TTLL10: variants seen among roughly 807,000 people sequenced by gnomAD.
The protein encoded by TTLL10 is tubulin tyrosine ligase like 10.
TTLL10 carries 61 observed loss-of-function variants against 69.0 expected under a neutral mutation model. That is an observed-to-expected ratio of 0.88 (90% confidence interval 0.72 to 1.09). TTLL10 has a LOEUF of 1.09. Among genes scored for constraint, TTLL10 ranks in the 50% least tolerant of loss-of-function variants. TTLL10 has a pLI of 0.00. For synonymous variants in TTLL10, 408 were observed against 393.3 expected (o/e 1.04, Z -0.44); for missense variants, 962 against 945.9 (o/e 1.02, Z -0.22).
At chr1:1,179,403 T>A (rs894844270) in intron 4 of TTLL10, 70 bp downstream of exon 4, 29 of 1,430,574 alleles carry the variant, frequency 2.0e-5, no homozygotes, top group African/African-American at 2.8e-5. Context: ...GGGTGCCCCA[T>A]ACCCAAGGAA....
rs547517872 is a variant in TTLL10, at chr1:1,181,259, C to T, written c.755+399C>T. On this transcript the variant is annotated intron_variant, in intron 8 of 15. Transcript: ENST00000379289. This position sits in a 1 kb window ranked among gnomAD's most constrained non-coding sequence, Gnocchi z 4.6. ...CAGGTACAACCCACCTGTCAATCTGCCTTCACCCCAAACATCCATCCAATC... is the reference window on the plus strand; with the variant it reads ...CAGGTACAACCCACCTGTCAATCTGTCTTCACCCCAAACATCCATCCAATC... Among the ~76,000 whole-genome samples, 8 of 152,048 alleles carry T rather than the reference C, an allele frequency of 5.3e-5. No homozygotes were observed. Among genetic ancestry groups the T allele is most frequent in the African/African-American group, 1.9e-4 (8 of 41,454 alleles).
intron 15 of TTLL10, 116 bp downstream of exon 15, chr1:1,197,302 C>A: frequency 7.5e-7 from 1 of 1,330,946 alleles, no homozygotes; most frequent in Non-Finnish European, 1.0e-6. Flanking sequence ...TCCCGAGGGC[C>A]TGTGTGGCAG....
intron 3 of TTLL10, among the ~76,000 whole-genome samples, chr1:1,177,400 C>A (rs1031662648): frequency 6.6e-6 from 1 of 152,208 alleles, no homozygotes; most frequent in Non-Finnish European, 1.5e-5. Flanking sequence ...CAAGCTCCAC[C>A]TCCCAGGTTC....
chr1:1,175,006 C>T (rs2100834887), intron 3 of TTLL10: 1 of 152,914 alleles, frequency 6.5e-6, no homozygotes, highest in Non-Finnish European at 1.5e-5. Context: ...ATCCCAGCTA[C>T]TCAGGAGGCT....
chr1:1,185,253 C>T lies in TTLL10; in HGVS notation c.1401+144C>T. The T allele has an allele frequency of 6.9e-7, 1 of 1,441,658 alleles. No individual in the cohort carries two copies. The highest frequency in any genetic ancestry group is 2.6e-5 in the East Asian group (1 of 38,954). 89.3% of individuals were successfully genotyped at this position (1,441,658 alleles called of 1,614,324 possible). A position where few individuals can be genotyped will look rare whatever the true frequency, so the allele number is the denominator to read the frequency against. On this transcript the variant is annotated intron_variant, in intron 13 of 15. Transcript: ENST00000379289. This position sits in a 1 kb window ranked among gnomAD's most constrained non-coding sequence, Gnocchi z 6.1. ...TGACCTGACCGTGTGGAACCAAACC[C>T]TTCCAGCGTCTCTGCTCACTTAGCT...
At position 1,180,720 on chromosome 1, in the gene TTLL10, C is replaced by A. The variant is rs767592834; in HGVS notation, c.626-11C>A. The stretch of plus-strand genomic sequence containing the variant: ...GCTCCCTCCACACGAGCCCTGGCCT[C>A]TGACCTCCAGGAGAGCAGCTGCTGT... On this transcript the variant is annotated splice_polypyrimidine_tract_variant and intron_variant, in intron 7 of 15. Transcript: ENST00000379289. 2 of 1,601,714 alleles carry A rather than the reference C, an allele frequency of 1.2e-6. No homozygotes were observed. The highest frequency in any genetic ancestry group is 2.3e-5 in the East Asian group (1 of 43,832).
chr1:1,185,240 G>A lies in TTLL10; in HGVS notation c.1401+131G>A, dbSNP rs1044552223. 6.8e-7 allele frequency: 1 copy of A among 1,477,478 alleles called. No homozygotes were observed. The highest frequency in any genetic ancestry group is 2.4e-5 in the East Asian group (1 of 40,918). The allele number at this position is 1,477,478 out of a possible 1,614,324, so 91.5% of individuals were successfully genotyped here. A position where few individuals can be genotyped will look rare whatever the true frequency, so the allele number is the denominator to read the frequency against. ...CTGCGCTGAAGTGTGACCTGACCGT[G>A]TGGAACCAAACCCTTCCAGCGTCTC... On this transcript the variant is annotated intron_variant, in intron 13 of 15. Coordinates refer to ENST00000379289, the MANE Select transcript of TTLL10 (RefSeq NM_001130045.2). This position sits in a 1 kb window ranked among gnomAD's most constrained non-coding sequence, Gnocchi z 6.1.
chr1:1,188,300 T>C (rs1007384394), intron 13 of TTLL10, among the ~76,000 whole-genome samples: 3 of 150,892 alleles, frequency 2.0e-5, no homozygotes, highest in Non-Finnish European at 4.4e-5. Context: ...TCAATATTGT[T>C]CTTTTTCAAG....
chr1:1,196,585 C>T lies in TTLL10; in HGVS notation c.1402-15C>T. 6.5e-7 allele frequency: 1 copy of T among 1,545,852 alleles called. No individual in the cohort carries two copies. ...CTACGGGCCGCAGCCAGGATGCCTC[C>T]CTGCCTCCCTGCAGAAGCGGATGCA... On this transcript the variant is annotated splice_polypyrimidine_tract_variant and intron_variant, in intron 13 of 15. Transcript: ENST00000379289.
At chr1:1,190,489 A>G (rs1381031559) in intron 13 of TTLL10, among the ~76,000 whole-genome samples, 1 of 150,248 alleles carries the variant, frequency 6.7e-6, no homozygotes, top group Non-Finnish European at 1.5e-5. Context: ...GTGCAGTGGC[A>G]CGATTTCAGC....
rs775190572 is a variant in TTLL10 at position 1,180,447 on chromosome 1, C to T, written c.507-36C>T. The T allele has an allele frequency of 3.1e-5, 47 of 1,505,144 alleles. No homozygotes were observed. In the Admixed American group the frequency reaches 8.3e-4, roughly 27 times the overall value. The allele number at this position is 1,505,144 out of a possible 1,614,324, so 93.2% of individuals were successfully genotyped here. Reference sequence around the variant, plus strand: ...GCCCGCCATCCCCAACCCCTTGCCTCGGCCCCCAGGTCACCCCCGCCCCCA... The same window carrying T: ...GCCCGCCATCCCCAACCCCTTGCCTTGGCCCCCAGGTCACCCCCGCCCCCA... On this transcript the variant is annotated intron_variant, in intron 6 of 15. Transcript: ENST00000379289.
At chr1:1,180,953 C>A (rs12745253) in intron 8 of TTLL10, 93 bp downstream of exon 8, 10 of 1,227,870 alleles carry the variant, frequency 8.1e-6, no homozygotes, top group Non-Finnish European at 1.1e-5. Context: ...CCTGCCCCTG[C>A]GCCCGCCCCT....
chr1:1,180,224 C>T lies in TTLL10; in HGVS notation c.390C>T (p.Ala130=), dbSNP rs115023808. ...CTGCAGACTCGGATGACACTAACGCCGCCGGGCCCTCAGCTGCCCTCCTGG... is the reference window on the plus strand; with the variant it reads ...CTGCAGACTCGGATGACACTAACGCTGCCGGGCCCTCAGCTGCCCTCCTGG... ...HRPADSDDTN[A]AGPSAALLEG... The change falls in exon 6 of 16, where the codon GCC becomes GCT. Residue 130 remains alanine (A), a synonymous_variant. Coordinates refer to ENST00000379289, the MANE Select transcript of TTLL10 (RefSeq NM_001130045.2). The T allele has an allele frequency of 5.0e-6, 8 of 1,609,366 alleles. No individual in the cohort carries two copies. The highest frequency in any genetic ancestry group is 3.3e-5 in the South Asian group (3 of 90,548).
At chr1:1,174,643 A>C (rs1185009285) in intron 3 of TTLL10, 154 bp downstream of exon 3, 1 of 152,130 alleles carries the variant, frequency 6.6e-6, no homozygotes, top group Non-Finnish European at 1.5e-5. Context: ...CACGTCAGTC[A>C]GCATCTCGGA....
At position 1,185,149 on chromosome 1, in the gene TTLL10, T is replaced by C; in HGVS notation, c.1401+40T>C. The stretch of plus-strand genomic sequence containing the variant: ...CCCTCCAGTCTGGGAGTGAGATCCC[T>C]CGGGGCGGGGGTGTGTGGTCAGGCT... On this transcript the variant is annotated intron_variant, in intron 13 of 15. Coordinates refer to ENST00000379289, the MANE Select transcript of TTLL10 (RefSeq NM_001130045.2). This position sits in a 1 kb window ranked among gnomAD's most constrained non-coding sequence, Gnocchi z 6.1. 2.5e-6 allele frequency: 4 copies of C among 1,601,986 alleles called. No individual in the cohort carries two copies. The South Asian group carries it at 4.4e-5, about 18-fold the overall frequency.
chr1:1,175,802 G>A (rs907248748), intron 3 of TTLL10: 6 of 400,854 alleles, frequency 1.5e-5, no homozygotes, highest in African/African-American at 1.1e-4. Context: ...CGCTGTGCAG[G>A]TGGAGAGAGG....
chr1:1,197,282 C>G (rs1648288421), intron 15 of TTLL10, 96 bp downstream of exon 15: 2 of 1,332,530 alleles, frequency 1.5e-6, no homozygotes, highest in Non-Finnish European at 2.1e-6. Context: ...ACAGATGGGG[C>G]TCTTCCACCT....
chr1:1,182,027 G>A (rs1647085656), intron 9 of TTLL10, among the ~76,000 whole-genome samples: 3 of 152,348 alleles, frequency 2.0e-5, no homozygotes, highest in South Asian at 4.1e-4. Flanking sequence ...CACGCTCTCC[G>A]CCCATCCCAG....
At chr1:1,189,890 A>ATC (rs1038100270) in intron 13 of TTLL10, among the ~76,000 whole-genome samples, 20 of 152,234 alleles carry the variant, frequency 1.3e-4, no homozygotes, top group Admixed American at 2.6e-4. Context: ...AGGAAGGTGG[A>ATC]TCATGAGGTC....
Sources: allele counts gnomAD v4.1 joint callset (sites outside exome capture counted in the v4.1 genomes callset), GRCh38; gene constraint gnomAD v4.1.1; non-coding constraint Gnocchi (gnomAD v3.1); transcripts MANE v1.5; gene names NCBI Gene and HGNC (gene_info 2026-07-23, HGNC 2026-07-21).